Variants in PRIM2 observed in about 807,000 individuals in gnomAD.
PRIM2 encodes the protein DNA primase subunit 2.
A neutral mutation model predicts 67.3 loss-of-function variants in PRIM2; 39 were observed. The observed-to-expected ratio is 0.58, with a 90% confidence interval of 0.45 to 0.76. The LOEUF is 0.76. Among genes scored for constraint, PRIM2 ranks in the 30% least tolerant of loss-of-function variants. The pLI, the probability that PRIM2 is intolerant of heterozygous loss-of-function variation, is 0.00. For synonymous variants in PRIM2, 143 were observed against 198.7 expected, an observed-to-expected ratio of 0.72 and a Z score of 2.36; for missense variants, 398 against 598.7, an observed-to-expected ratio of 0.66 and a Z score of 3.50.
At chr6:57,457,814 TCAC>T (rs1772856176) in intron 7 of PRIM2, among the ~76,000 whole-genome samples, 2 of 152,052 alleles carry the variant, frequency 1.3e-5, no homozygotes, top group African/African-American at 2.4e-5. Context: ...TTTCCGACAC[TCAC>T]CAGTGAGATG....
the PRIM2 span, among the ~76,000 whole-genome samples, chr6:57,296,795 A>C: frequency 6.6e-6 from 1 of 152,156 alleles, no homozygotes; most frequent in South Asian, 2.1e-4. Context: ...AAAAAGAACC[A>C]GGGCTCTTTG....
chr6:57,374,351 T>A (rs1486965806), intron 5 of PRIM2, among the ~76,000 whole-genome samples: 3 of 150,388 alleles, frequency 2.0e-5, no homozygotes, highest in African/African-American at 7.3e-5. Context: ...TGGAGTGCAG[T>A]GGCGCGATCT....
chr6:57,239,325 A>G, the PRIM2 span, among the ~76,000 whole-genome samples: 1 of 152,092 alleles, frequency 6.6e-6, no homozygotes, highest in Non-Finnish European at 1.5e-5. Flanking sequence ...AATTTGTTAT[A>G]GTTCCCAATA....
chr6:57,226,863 C>T, the PRIM2 span, among the ~76,000 whole-genome samples: 2 of 152,160 alleles, frequency 1.3e-5, no homozygotes, highest in South Asian at 4.1e-4. Context: ...GAGTGACTTG[C>T]AGGTTTCTTG....
At chr6:57,581,012 AG>A (rs1195877951) in intron 10 of PRIM2, among the ~76,000 whole-genome samples, 2 of 152,210 alleles carry the variant, frequency 1.3e-5, no homozygotes, top group East Asian at 1.9e-4. Flanking sequence ...ATAAGTAAAT[AG>A]GGTGAAACTA....
At position 57,572,093 on chromosome 6, in the gene PRIM2, T is replaced by G. The variant is rs1375219408; in HGVS notation, c.1021-29000T>G. ...TTTTAAATCCTAGATTTTTTCTAAC[T>G]TATGCCTCTTATTTCCTGCCTGCTT... On this transcript the variant is annotated intron_variant, in intron 10 of 13. Coordinates refer to ENST00000615550, the MANE Select transcript of PRIM2 (RefSeq NM_000947.5). Among the ~76,000 whole-genome samples, 1,411 of 152,356 alleles carry G rather than the reference T, an allele frequency of 9.3e-3. 14 individuals carry two copies. The highest frequency in any genetic ancestry group is 0.02 in the Middle Eastern group (6 of 294).
At chr6:57,460,634 C>G (rs1581929777) in intron 7 of PRIM2, among the ~76,000 whole-genome samples, 1 of 148,232 alleles carries the variant, frequency 6.7e-6, no homozygotes, top group Non-Finnish European at 1.5e-5. Flanking sequence ...AAAAAAAAAG[C>G]TTTTCAATTG....
intron 10 of PRIM2, among the ~76,000 whole-genome samples, chr6:57,541,275 G>C (rs1775145452): frequency 6.6e-6 from 1 of 152,056 alleles, no homozygotes. Flanking sequence ...TTTTAGTTGA[G>C]ACGGGGTTTC....
At chr6:57,451,219 C>T (rs1345355313) in intron 7 of PRIM2, among the ~76,000 whole-genome samples, 1 of 152,134 alleles carries the variant, frequency 6.6e-6, no homozygotes, top group Non-Finnish European at 1.5e-5. Context: ...CGGCTCAATG[C>T]AGCTTCCTCC....
rs1373352818 is a variant in PRIM2 at position 57,546,423 on chromosome 6, A to T, written c.1020+8798A>T. 2.6e-5 allele frequency among the ~76,000 whole-genome samples: 4 copies of T among 152,182 alleles called. 1 individual carries two copies. Among genetic ancestry groups the T allele is most frequent in the Admixed American group, 6.5e-5 (1 of 15,278 alleles). On this transcript the variant is annotated intron_variant, in intron 10 of 13. Transcript: ENST00000615550. Reference sequence around the variant, plus strand: ...TGTTAGAGACCAATCTAGAATTAAGATTTGGAGAAAGTGAATGACATGGGT... The same window carrying T: ...TGTTAGAGACCAATCTAGAATTAAGTTTTGGAGAAAGTGAATGACATGGGT...
intron 10 of PRIM2, among the ~76,000 whole-genome samples, chr6:57,580,441 A>G (rs1214143007): frequency 6.6e-6 from 1 of 152,232 alleles, no homozygotes; most frequent in Middle Eastern, 3.2e-3. Flanking sequence ...TGGGTTTTGT[A>G]TGACATGGGA....
At chr6:57,239,979 G>C in the PRIM2 span, among the ~76,000 whole-genome samples, 3 of 151,940 alleles carry the variant, frequency 2.0e-5, no homozygotes, top group South Asian at 6.2e-4. Flanking sequence ...CCCTCATACA[G>C]CTCAGAGACT....
intron 7 of PRIM2, among the ~76,000 whole-genome samples, chr6:57,402,802 A>C (rs556516820): frequency 1.3e-5 from 2 of 152,298 alleles, no homozygotes; most frequent in Admixed American, 1.3e-4. Context: ...ACCCCTGCCC[A>C]CAGATGTAGG....
chr6:57,629,638 G>GA (rs1777010076), intron 12 of PRIM2, among the ~76,000 whole-genome samples: 1 of 151,782 alleles, frequency 6.6e-6, no homozygotes, highest in Non-Finnish European at 1.5e-5. Flanking sequence ...CTGGTCCATG[G>GA]ATCTACCATC....
At chr6:57,277,857 A>G in the PRIM2 span, among the ~76,000 whole-genome samples, 5 of 151,724 alleles carry the variant, frequency 3.3e-5, no homozygotes, top group African/African-American at 4.8e-5. Context: ...GGTGGCGGGC[A>G]CCTGTAGTCC....
chr6:57,592,237 A>G (rs1181328934), intron 10 of PRIM2, among the ~76,000 whole-genome samples: 10 of 152,210 alleles, frequency 6.6e-5, no homozygotes, highest in Non-Finnish European at 1.5e-5. Flanking sequence ...TACTTGGGTG[A>G]TGGGATCATT....
At chr6:57,290,316 A>G in the PRIM2 span, among the ~76,000 whole-genome samples, 2 of 152,180 alleles carry the variant, frequency 1.3e-5, no homozygotes, top group Admixed American at 1.3e-4. Flanking sequence ...TATCCTAAAT[A>G]TATATGCACC....
chr6:57,303,194 T>C, the PRIM2 span, among the ~76,000 whole-genome samples: 1 of 152,174 alleles, frequency 6.6e-6, no homozygotes, highest in African/African-American at 2.4e-5. Context: ...TAAAAACTAA[T>C]ATAATTAAAA....
intron 5 of PRIM2, among the ~76,000 whole-genome samples, chr6:57,376,295 C>A (rs1483811834): frequency 6.6e-6 from 1 of 152,102 alleles, no homozygotes; most frequent in Non-Finnish European, 1.5e-5. Flanking sequence ...ATTACAGATG[C>A]CAACTCCCAT....
Sources: allele counts gnomAD v4.1 joint callset (sites outside exome capture counted in the v4.1 genomes callset), GRCh38; gene constraint gnomAD v4.1.1; transcripts MANE v1.5; gene names NCBI Gene and HGNC (gene_info 2026-07-23, HGNC 2026-07-21).